The following TTYH2 variants were observed in gnomAD, a reference collection of about 807,000 sequenced individuals.
TTYH2 encodes protein tweety homolog 2.
In TTYH2, 49 loss-of-function variants were observed where a neutral mutation model predicts 68.3. The observed-to-expected ratio is 0.72, with a 90% CI of 0.57 to 0.91. TTYH2 has a LOEUF of 0.91. Among genes scored for constraint, TTYH2 ranks in the 40% least tolerant of loss-of-function variants. The pLI is 0.00. For synonymous variants in TTYH2, 272 were observed against 300.8 expected, an observed-to-expected ratio of 0.90 and a Z score of 0.99; for missense variants, 631 against 700.4, an observed-to-expected ratio of 0.90 and a Z score of 1.12.
chr17:74,222,710 C>A lies in TTYH2; in HGVS notation c.302+53C>A. On this transcript the variant is annotated intron_variant, in intron 2 of 13. Coordinates refer to ENST00000269346, the MANE Select transcript of TTYH2 (RefSeq NM_032646.6). The surrounding 1 kb of genome is among the most constrained non-coding windows in gnomAD (Gnocchi z 5.2). ...GGTGTGTGACTCAGTCTGCAAGGGG[C>A]CAGGGACTGTTTGACCATGTTCTGA... The A allele has an allele frequency of 1.3e-6, 2 of 1,529,940 alleles. No homozygotes were observed. Among genetic ancestry groups the A allele is most frequent in the Admixed American group, 1.9e-5 (1 of 53,132 alleles). The allele number at this position is 1,529,940 out of a possible 1,614,324, so 94.8% of individuals were successfully genotyped here. A position where few individuals can be genotyped will look rare whatever the true frequency, so the allele number is the denominator to read the frequency against.
At chr17:74,231,292 C>A (rs913168068) in intron 3 of TTYH2, among the ~76,000 whole-genome samples, 3 of 152,210 alleles carry the variant, frequency 2.0e-5, no homozygotes, top group Admixed American at 1.3e-4. Context: ...TCAAAGGAGA[C>A]CTTGAACATG....
chr17:74,235,641 G>C (rs974831807), intron 3 of TTYH2, among the ~76,000 whole-genome samples: 5 of 152,190 alleles, frequency 3.3e-5, no homozygotes, highest in African/African-American at 1.2e-4. Context: ...TGCAATCCCA[G>C]CATTTTGGGA....
chr17:74,248,218 T>C (rs1157943465), intron 6 of TTYH2: 2 of 960,248 alleles, frequency 2.1e-6, no homozygotes, highest in Non-Finnish European at 1.2e-6. Flanking sequence ...CCCTGGCTGC[T>C]CTGGAAGGCG....
chr17:74,254,855 G>A (rs1025944272), intron 13 of TTYH2, among the ~76,000 whole-genome samples: 15 of 152,150 alleles, frequency 9.9e-5, no homozygotes, highest in South Asian at 4.1e-4. Context: ...TGGGCTGGAC[G>A]GTGGGTTGGC....
At chr17:74,220,812 G>A (rs2050268488) in intron 1 of TTYH2, among the ~76,000 whole-genome samples, 1 of 151,638 alleles carries the variant, frequency 6.6e-6, no homozygotes, top group Non-Finnish European at 1.5e-5. Flanking sequence ...TTCTAGAAGG[G>A]ATCTCCCTCT....
chr17:74,253,824 T>A lies in TTYH2; in HGVS notation c.1515T>A (p.Pro505=). ...ENVPLIGRAS[P]PPTYSPSMRA... is the part of the protein sequence containing the mutation. ...TGCCACTAATCGGGAGAGCCTCCCC[T>A]CCGCCTACGGTAATTGGGGCTCTGG... is the stretch of plus-strand genomic sequence containing the variant. Residue 505 remains proline (P), a synonymous_variant, in exon 13 of 14, where the codon CCT becomes CCA. Coordinates refer to ENST00000269346, the MANE Select transcript of TTYH2 (RefSeq NM_032646.6). 6.2e-7 allele frequency: 1 copy of A among 1,614,174 alleles called. No homozygotes were observed. The highest frequency in any genetic ancestry group is 8.5e-7 in the Non-Finnish European group (1 of 1,180,014).
At chr17:74,255,618 A>C (rs941755733) in intron 13 of TTYH2, among the ~76,000 whole-genome samples, 11 of 151,730 alleles carry the variant, frequency 7.2e-5, no homozygotes, top group Admixed American at 3.3e-4. Context: ...CACCTGGCTA[A>C]TTTTTGTATT....
At position 74,239,812 on chromosome 17, in the gene TTYH2, C is replaced by T. The variant is rs559381027; in HGVS notation, c.635+2298C>T. On this transcript the variant is annotated intron_variant, in intron 4 of 13. Coordinates refer to ENST00000269346, the MANE Select transcript of TTYH2 (RefSeq NM_032646.6). This position sits in a 1 kb window ranked among gnomAD's most constrained non-coding sequence, Gnocchi z 5.3. ...AAGGACTGTCTGTGACCTCCTGTGG[C>T]CCCAAAACAGGGGTGTCTGATGATT... is the stretch of plus-strand genomic sequence containing the variant. Among the ~76,000 whole-genome samples the T allele has an allele frequency of 4.7e-4, 71 of 152,328 alleles. 1 individual carries two copies. Among genetic ancestry groups the T allele is most frequent in the African/African-American group, 1.7e-3 (70 of 41,572 alleles).
intron 6 of TTYH2, among the ~76,000 whole-genome samples, chr17:74,244,274 A>T (rs1013842137): frequency 6.6e-6 from 1 of 152,152 alleles, no homozygotes; most frequent in Non-Finnish European, 1.5e-5. Flanking sequence ...AGGATAAGAC[A>T]CTCATGCTTC....
At chr17:74,238,622 T>C (rs112628791) in intron 4 of TTYH2, among the ~76,000 whole-genome samples, 1,551 of 152,166 alleles carry the variant, frequency 0.01, 19 homozygotes, top group African/African-American at 0.025. Context: ...ATCCCAGCAC[T>C]TTGGGAGGCC....
intron 6 of TTYH2, among the ~76,000 whole-genome samples, chr17:74,246,609 C>T (rs2050560508): frequency 6.6e-6 from 1 of 152,196 alleles, no homozygotes; most frequent in Non-Finnish European, 1.5e-5. Context: ...CCACCTGCCC[C>T]AACTATGCTC....
At chr17:74,259,041 G>A (rs972064495) in intron 13 of TTYH2, among the ~76,000 whole-genome samples, 1 of 152,074 alleles carries the variant, frequency 6.6e-6, no homozygotes, top group African/African-American at 2.4e-5. Flanking sequence ...CCTGTGTGCA[G>A]GGTATAGAGT....
chr17:74,236,943 C>A (rs1221959844), intron 3 of TTYH2, among the ~76,000 whole-genome samples: 10 of 149,032 alleles, frequency 6.7e-5, no homozygotes, highest in Non-Finnish European at 1.5e-4. Context: ...GTCGCCCAGG[C>A]TGGAGTGCAA....
chr17:74,225,016 C>T (rs1464258851), intron 2 of TTYH2, among the ~76,000 whole-genome samples: 1 of 147,624 alleles, frequency 6.8e-6, no homozygotes, highest in African/African-American at 2.6e-5. Context: ...AAAAAAACAA[C>T]CAAAAAACTA....
Position 74,239,845 on chromosome 17 carries a change from T to C in TTYH2, c.635+2331T>C, listed in dbSNP as rs1487176313. ...CAGGGGTGTCTGATGATTCTCCTGA[T>C]GCATGGGCCATTCATTGCCTGAGCC... On this transcript the variant is annotated intron_variant, in intron 4 of 13. Transcript: ENST00000269346. This position sits in a 1 kb window ranked among gnomAD's most constrained non-coding sequence, Gnocchi z 5.3. Among the ~76,000 whole-genome samples, 1 of 152,236 alleles carries C rather than the reference T, an allele frequency of 6.6e-6. No individual in the cohort carries two copies. Among genetic ancestry groups the C allele is most frequent in the African/African-American group, 2.4e-5 (1 of 41,454 alleles).
At chr17:74,248,551 C>A in intron 6 of TTYH2, 1 of 1,001,146 alleles carries the variant, frequency 1.0e-6, no homozygotes, top group Non-Finnish European at 1.2e-6. Flanking sequence ...ATTGAACACC[C>A]GTCCCTGTAG....
At chr17:74,256,097 G>T (rs550601456) in intron 13 of TTYH2, among the ~76,000 whole-genome samples, 1 of 152,314 alleles carries the variant, frequency 6.6e-6, no homozygotes, top group East Asian at 1.9e-4. Context: ...TATAGAAGGG[G>T]CACTCAAGAA....
chr17:74,248,657 G>A, intron 6 of TTYH2: 1 of 1,148,538 alleles, frequency 8.7e-7, no homozygotes, highest in Non-Finnish European at 1.1e-6. Flanking sequence ...TGGGGCCCAG[G>A]ATGCTGGCCC....
intron 12 of TTYH2, 69 bp downstream of exon 12, chr17:74,253,335 G>A (rs1465245871): frequency 2.7e-6 from 4 of 1,496,558 alleles, no homozygotes; most frequent in Admixed American, 2.3e-5. Context: ...GGTCCACAGT[G>A]CCGGGTGTGG....
Sources: allele counts gnomAD v4.1 joint callset (sites outside exome capture counted in the v4.1 genomes callset), GRCh38; gene constraint gnomAD v4.1.1; non-coding constraint Gnocchi (gnomAD v3.1); transcripts MANE v1.5; gene names NCBI Gene and HGNC (gene_info 2026-07-23, HGNC 2026-07-21).